The following ENTREP2 variants were observed in gnomAD, a reference collection of about 807,000 sequenced individuals.
ENTREP2 encodes the protein endosomal transmembrane epsin interactor 2.
the ENTREP2 span, among the ~76,000 whole-genome samples, chr15:29,667,851 C>T: frequency 6.6e-6 from 1 of 152,066 alleles, no homozygotes; most frequent in Admixed American, 6.6e-5. Context: ...CATCCTATAT[C>T]CTATAGATGT....
the ENTREP2 span, among the ~76,000 whole-genome samples, chr15:29,461,032 T>C: frequency 6.6e-6 from 1 of 152,074 alleles, no homozygotes; most frequent in African/African-American, 2.4e-5. Flanking sequence ...TCTATACAAA[T>C]GGGATTTTCT....
the ENTREP2 span, among the ~76,000 whole-genome samples, chr15:29,329,828 A>G: frequency 7.9e-5 from 12 of 152,360 alleles, no homozygotes; most frequent in African/African-American, 1.4e-4. Flanking sequence ...CCATGAGTCC[A>G]TATTTCTATA....
At chr15:29,657,430 C>T in the ENTREP2 span, among the ~76,000 whole-genome samples, 1 of 141,058 alleles carries the variant, frequency 7.1e-6, no homozygotes, top group South Asian at 2.3e-4. Flanking sequence ...AAGGACAAAG[C>T]TTCCACCACA....
At chr15:29,490,416 C>T in the ENTREP2 span, among the ~76,000 whole-genome samples, 1 of 152,230 alleles carries the variant, frequency 6.6e-6, no homozygotes, top group Non-Finnish European at 1.5e-5. Context: ...CAGTTTGCGG[C>T]TGCTGGCTCC....
chr15:29,317,132 T>C, the ENTREP2 span, among the ~76,000 whole-genome samples: 1 of 152,152 alleles, frequency 6.6e-6, no homozygotes, highest in South Asian at 2.1e-4. Flanking sequence ...AAAATAGCAA[T>C]ACTAGAATAG....
chr15:29,216,550 C>G, the ENTREP2 span, among the ~76,000 whole-genome samples: 1 of 152,002 alleles, frequency 6.6e-6, no homozygotes, highest in Non-Finnish European at 1.5e-5. Flanking sequence ...TATTACTCCC[C>G]CAAATATGTT....
At chr15:29,254,247 T>C in the ENTREP2 span, among the ~76,000 whole-genome samples, 1 of 151,812 alleles carries the variant, frequency 6.6e-6, no homozygotes, top group African/African-American at 2.4e-5. Context: ...TTTCAATGTC[T>C]TTATGCTATT....
the ENTREP2 span, among the ~76,000 whole-genome samples, chr15:29,567,614 T>G: frequency 6.6e-6 from 1 of 152,242 alleles, no homozygotes; most frequent in African/African-American, 2.4e-5. Context: ...TTCTGCTGTG[T>G]TCCAATGGCT....
At chr15:29,471,087 T>C in the ENTREP2 span, among the ~76,000 whole-genome samples, 3 of 152,178 alleles carry the variant, frequency 2.0e-5, no homozygotes, top group Non-Finnish European at 4.4e-5. Flanking sequence ...ACTGGTTTTT[T>C]ATAGTGCCCC....
chr15:29,656,243 T>G, the ENTREP2 span, among the ~76,000 whole-genome samples: 1 of 151,004 alleles, frequency 6.6e-6, no homozygotes, highest in Non-Finnish European at 1.5e-5. Context: ...TTTTTTTTTT[T>G]GAGACAGAGT....
At chr15:29,505,021 G>C in the ENTREP2 span, among the ~76,000 whole-genome samples, 1 of 152,170 alleles carries the variant, frequency 6.6e-6, no homozygotes, top group African/African-American at 2.4e-5. This position sits in a 1 kb window ranked among gnomAD's most constrained non-coding sequence, Gnocchi z 4.3. Flanking sequence ...AGAAAAAGGA[G>C]AAAAAATGTC....
the ENTREP2 span, among the ~76,000 whole-genome samples, chr15:29,547,002 A>C: frequency 6.6e-6 from 1 of 152,012 alleles, no homozygotes; most frequent in Non-Finnish European, 1.5e-5. Flanking sequence ...GGGATAAAGA[A>C]GACAGGTAAA....
At chr15:29,442,795 C>T in the ENTREP2 span, among the ~76,000 whole-genome samples, 7 of 152,240 alleles carry the variant, frequency 4.6e-5, no homozygotes, top group Admixed American at 2.0e-4. Flanking sequence ...GATGAAAAGG[C>T]TGTTTGCACT....
At chr15:29,308,707 T>C in the ENTREP2 span, among the ~76,000 whole-genome samples, 41 of 152,228 alleles carry the variant, frequency 2.7e-4, no homozygotes, top group East Asian at 1.7e-3. Context: ...TAGAATGACG[T>C]TGAAGATGTT....
the ENTREP2 span, among the ~76,000 whole-genome samples, chr15:29,395,404 TAC>T: frequency 6.6e-6 from 1 of 152,158 alleles, no homozygotes; most frequent in East Asian, 1.9e-4. Flanking sequence ...TTTGTAATAA[TAC>T]AGAGTGGAAA....
the ENTREP2 span, among the ~76,000 whole-genome samples, chr15:29,671,160 A>G: frequency 6.6e-6 from 1 of 152,224 alleles, no homozygotes; most frequent in African/African-American, 2.4e-5. Flanking sequence ...CAGGTTGGCA[A>G]ACACAGCCAT....
the ENTREP2 span, among the ~76,000 whole-genome samples, chr15:29,293,397 G>A: frequency 2.0e-5 from 3 of 150,988 alleles, no homozygotes; most frequent in Non-Finnish European, 4.4e-5. Flanking sequence ...ACAGGCGCCC[G>A]CCACCATGCC....
At chr15:29,405,391 G>GAA in the ENTREP2 span, among the ~76,000 whole-genome samples, 15 of 125,824 alleles carry the variant, frequency 1.2e-4, no homozygotes, top group Non-Finnish European at 1.9e-4. Context: ...TCCGTCTCCA[G>GAA]AAAAAAAAAA....
the ENTREP2 span, among the ~76,000 whole-genome samples, chr15:29,208,289 A>G: frequency 6.6e-6 from 1 of 152,132 alleles, no homozygotes; most frequent in Non-Finnish European, 1.5e-5. Flanking sequence ...CTATAAGTAG[A>G]TAGGGCCAAA....
Sources: allele counts gnomAD v4.1 joint callset (sites outside exome capture counted in the v4.1 genomes callset), GRCh38; gene constraint gnomAD v4.1.1; non-coding constraint Gnocchi (gnomAD v3.1); transcripts MANE v1.5; gene names NCBI Gene and HGNC (gene_info 2026-07-23, HGNC 2026-07-21).